The following CHD4 variants were observed in gnomAD, a reference collection of about 807,000 sequenced individuals.
CHD4 encodes the protein ATP-dependent chromatin remodeler CHD4.
In CHD4, 35 loss-of-function variants were observed where a neutral mutation model predicts 235.5. That is an observed-to-expected ratio of 0.15 (90% CI 0.11 to 0.20). The LOEUF is 0.20. Among genes scored for constraint, CHD4 ranks in the 10% least tolerant of loss-of-function variants. The pLI is 1.00. For synonymous variants in CHD4, 900 were observed against 850.2 expected, an observed-to-expected ratio of 1.06 and a Z score of -1.02; for missense variants, 1,329 against 2,432.3, an observed-to-expected ratio of 0.55 and a Z score of 9.54.
chr12:6,582,987 G>A lies in CHD4; in HGVS notation c.4147+40C>T, dbSNP rs760796350. ...TGACACAGGTAGGATATTAAACAAA[G>A]CAACATTTAGAAAAGCAACAAAAAA... is the stretch of plus-strand genomic sequence containing the variant. On this transcript the variant is annotated intron_variant, in intron 27 of 39. Coordinates refer to ENST00000544040, the MANE Select transcript of CHD4 (RefSeq NM_001273.5). 5.6e-6 allele frequency: 9 copies of A among 1,595,128 alleles called. 1 individual carries two copies. The highest frequency in any genetic ancestry group is 3.4e-4 in the Middle Eastern group (2 of 5,942).
chr12:6,581,611 A>T (rs753555075), intron 31 of CHD4, 38 bp downstream of exon 31: 1 of 1,614,098 alleles, frequency 6.2e-7, no homozygotes, highest in South Asian at 1.1e-5. Flanking sequence ...CCAGGACAAA[A>T]AGAGAGGGAC....
At chr12:6,587,081 GGTAGCATTC>G in intron 25 of CHD4, 1 of 335,228 alleles carries the variant, frequency 3.0e-6, no homozygotes, top group Non-Finnish European at 5.5e-6. Flanking sequence ...AGAGAGATGA[GGTAGCATTC>G]AAAATTTCAT....
At position 6,601,325 on chromosome 12, in the gene CHD4, C is replaced by A. The variant is rs762951792; in HGVS notation, c.763G>T (p.Val255Leu). ...EVAPPPPPVE[V>L]PIRKAKTKEG... ...TTGGTCTTGGCCTTGCGGATAGGCA[C>A]CTCCACAGGGGGAGGTGGTGGTGCA... is the stretch of plus-strand genomic sequence containing the variant. The change falls in exon 6 of 40, where the codon GTG (valine) becomes TTG (leucine). Residue 255 changes from valine (V) to leucine (L), a missense_variant. Val to Leu is a conservative substitution (Grantham distance 32). Around this residue, in one of 26 missense-constraint regions of CHD4, gnomAD observed 160 missense variants for 196.6 expected, o/e 0.81. Coordinates refer to ENST00000544040, the MANE Select transcript of CHD4 (RefSeq NM_001273.5). 6.2e-7 allele frequency: 1 copy of A among 1,614,160 alleles called. No homozygotes were observed. The highest frequency in any genetic ancestry group is 2.2e-5 in the East Asian group (1 of 44,866).
chr12:6,571,830 A>C (rs1374598990), intron 38 of CHD4: 8 of 152,168 alleles, frequency 5.3e-5, no homozygotes, highest in African/African-American at 1.9e-4. Context: ...GCATGGTGGC[A>C]GGCGCCTGTA....
In CHD4 at chr12:6,606,334, C is replaced by A; in HGVS notation, c.40G>T (p.Gly14Cys). The change falls in exon 2 of 40, where the codon GGC (glycine) becomes TGC (cysteine). Residue 14 changes from glycine to cysteine, a missense_variant. This residue lies in a region of CHD4 where 213 missense variants were observed against 177.5 expected (regional missense o/e 1.20). Transcript: ENST00000544040. Reference protein sequence around the residue: ...GLGSPSPCSAGSEEEDMDALL... With the variant: ...GLGSPSPCSACSEEEDMDALL... The stretch of plus-strand genomic sequence containing the variant: ...GCATCCATATCCTCCTCCTCACTGC[C>A]CGCCGAGCAGGGGGACGGGGAGCCC... 6.4e-7 allele frequency: 1 copy of A among 1,571,414 alleles called. No homozygotes were observed. Among genetic ancestry groups the A allele is most frequent in the Non-Finnish European group, 8.6e-7 (1 of 1,161,518 alleles).
In CHD4 at chr12:6,596,141, C is replaced by T; in HGVS notation, c.1893-4G>A. The T allele has an allele frequency of 6.2e-7, 1 of 1,612,676 alleles. No individual in the cohort carries two copies. Among genetic ancestry groups the T allele is most frequent in the Non-Finnish European group, 8.5e-7 (1 of 1,179,460 alleles). On this transcript the variant is annotated splice_polypyrimidine_tract_variant and splice_region_variant and intron_variant, in intron 12 of 39. Transcript: ENST00000544040. ...GACGTGGCCCTTCTTGTCCACACTG[C>T]AAGTCCAGGAGAGAAAACCCTCAGA...
chr12:6,602,758 G>A (rs557882571), intron 2 of CHD4, among the ~76,000 whole-genome samples: 66 of 152,128 alleles, frequency 4.3e-4, no homozygotes, highest in African/African-American at 8.7e-4. Flanking sequence ...CCTCTCTCCC[G>A]TTCCTACCAG....
In CHD4 at chr12:6,570,536, G is replaced by A; in HGVS notation, c.*140C>T. On this transcript the variant is annotated 3_prime_UTR_variant, in exon 40 of 40. Transcript: ENST00000544040. ...CCCTCACTCCCTCCCCTCCCCCAGT[G>A]CACTGGGGCTGTTCCTTTACAACAT... is the stretch of plus-strand genomic sequence containing the variant. 1.0e-6 allele frequency: 1 copy of A among 1,004,668 alleles called. No homozygotes were observed. The highest frequency in any genetic ancestry group is 1.5e-5 in the South Asian group (1 of 67,410). 62.2% of individuals were successfully genotyped at this position (1,004,668 alleles called of 1,614,324 possible).
intron 37 of CHD4, among the ~76,000 whole-genome samples, chr12:6,575,749 T>C (rs2136194079): frequency 6.6e-6 from 1 of 152,292 alleles, no homozygotes; most frequent in African/African-American, 2.4e-5. Context: ...CCAAACTCTC[T>C]TATCTGGTGC....
At chr12:6,577,633 A>T in intron 37 of CHD4, 152 bp downstream of exon 37, 1 of 983,126 alleles carries the variant, frequency 1.0e-6, no homozygotes. Flanking sequence ...GTGTGTCTTC[A>T]ACCCTAATGT....
At chr12:6,595,972 G>GA (rs780818001) in intron 13 of CHD4, 34 bp downstream of exon 13, 10 of 1,267,674 alleles carry the variant, frequency 7.9e-6, no homozygotes, top group Middle Eastern at 2.2e-4. Flanking sequence ...AAAAAAAAAA[G>GA]AAACAACTCT....
intron 2 of CHD4, among the ~76,000 whole-genome samples, chr12:6,604,091 A>C (rs564305030): frequency 2.0e-5 from 3 of 152,068 alleles, no homozygotes; most frequent in African/African-American, 7.2e-5. Flanking sequence ...CTTGGCCAAC[A>C]TGGTGAAACC....
At chr12:6,605,228 G>A (rs369216336) in intron 2 of CHD4, among the ~76,000 whole-genome samples, 17 of 152,254 alleles carry the variant, frequency 1.1e-4, no homozygotes, top group African/African-American at 2.6e-4. Context: ...AACAGGATCA[G>A]CAGGCTCCAG....
At chr12:6,590,253 A>C (rs1028666980) in intron 22 of CHD4, 1 of 152,254 alleles carries the variant, frequency 6.6e-6, no homozygotes, top group African/African-American at 2.4e-5. Context: ...CACAGATAGC[A>C]GGAAGCACAA....
chr12:6,572,622 T>C (rs534056864), intron 38 of CHD4, among the ~76,000 whole-genome samples: 2 of 148,152 alleles, frequency 1.3e-5, no homozygotes, highest in East Asian at 2.0e-4. Context: ...AATGGCACAA[T>C]CTTGGCTCAC....
intron 35 of CHD4, 56 bp from the exon 36 acceptor site, chr12:6,578,193 T>C (rs774777050): frequency 7.4e-5 from 110 of 1,480,048 alleles, no homozygotes; most frequent in Admixed American, 2.7e-4. Flanking sequence ...TCTGTGAGAA[T>C]TGAAAAAGCT....
Position 6,601,751 on chromosome 12 carries a change from C to G in CHD4, c.454G>C (p.Ala152Pro). Reference sequence around the variant, plus strand: ...ATGCCCCAGTCTTCCAGGAGCTGAGCAGATGATTTAGGCTCCTGCAGAAAG... The same window carrying G: ...ATGCCCCAGTCTTCCAGGAGCTGAGGAGATGATTTAGGCTCCTGCAGAAAG... ...DDDSKEPKSS[A>P]QLLEDWGMED... The change falls in exon 5 of 40, where the codon GCT (alanine) becomes CCT (proline). Residue 152 changes from alanine (A) to proline (P), a missense_variant. This residue lies in a region of CHD4 where 39 missense variants were observed against 86.6 expected (regional missense o/e 0.45). Coordinates refer to ENST00000544040, the MANE Select transcript of CHD4 (RefSeq NM_001273.5). 1 of 1,614,030 alleles carries G rather than the reference C, an allele frequency of 6.2e-7. No homozygotes were observed. The highest frequency in any genetic ancestry group is 8.5e-7 in the Non-Finnish European group (1 of 1,179,944).
intron 37 of CHD4, among the ~76,000 whole-genome samples, chr12:6,576,041 C>T (rs1268307660): frequency 6.6e-6 from 1 of 152,026 alleles, no homozygotes. Context: ...CCAATTCCCT[C>T]TCGAGAACTT....
chr12:6,570,880 T>A lies in CHD4; in HGVS notation c.5710A>T (p.Thr1904Ser), dbSNP rs780725564. The change falls in exon 39 of 40, where the codon ACC (threonine) becomes TCC (serine). Residue 1904 changes from threonine (T) to serine (S), a missense_variant. Transcript: ENST00000544040. ...SRLANRAPEP[T>S]PQQVAQQQ The stretch of plus-strand genomic sequence containing the variant: ...GAAAATGGTCCTACCTGCTGTGGGG[T>A]AGGTTCGGGTGCCCGGTTTGCCAGG... The A allele has an allele frequency of 6.2e-7, 1 of 1,613,996 alleles. No homozygotes were observed.
Sources: gnomAD v4.1 joint callset for allele counts (sites outside exome capture counted in the v4.1 genomes callset) on GRCh38, gnomAD v4.1.1 for gene constraint, gnomAD v4.1.1 regional missense constraint, MANE v1.5 for transcripts, NCBI Gene and HGNC (gene_info 2026-07-23, HGNC 2026-07-21) for gene names.